Variants in PSD3 observed in about 807,000 individuals in gnomAD.
PSD3 encodes pleckstrin and Sec7 domain containing 3.
Under a neutral mutation model 105.5 loss-of-function variants are expected in PSD3, and 49 were observed. The observed-to-expected ratio is 0.46, with a 90% CI of 0.37 to 0.59. The LOEUF (loss-of-function observed/expected upper bound fraction) is 0.59, where lower values mean the gene tolerates loss of function less well. Ranked by LOEUF, PSD3 falls within the 20% of genes least tolerant of loss-of-function variation. The pLI is 0.00. For missense variants in PSD3, 1,561 were observed against 1,263.8 expected, an observed-to-expected ratio of 1.24 and a Z score of -3.57; for synonymous variants, 557 against 457.8, an observed-to-expected ratio of 1.22 and a Z score of -2.77.
chr8:18,649,085 C>T (rs1808275383), intron 10 of PSD3, among the ~76,000 whole-genome samples: 1 of 152,188 alleles, frequency 6.6e-6, no homozygotes, highest in Admixed American at 6.5e-5. Flanking sequence ...GGTGCCCCAA[C>T]AAAGAGTCCC....
chr8:18,539,301 G>T (rs942714232), intron 15 of PSD3, among the ~76,000 whole-genome samples: 1 of 152,156 alleles, frequency 6.6e-6, no homozygotes, highest in Admixed American at 6.5e-5. Context: ...GAGAGCAAGG[G>T]CAAGAAACAT....
intron 1 of PSD3, among the ~76,000 whole-genome samples, chr8:19,077,110 A>C (rs1829483935): frequency 6.6e-6 from 1 of 152,218 alleles, no homozygotes; most frequent in Non-Finnish European, 1.5e-5. Flanking sequence ...ATGTTAACAA[A>C]GTCTCCTGAG....
At chr8:19,005,084 A>G (rs1403870941) in intron 1 of PSD3, among the ~76,000 whole-genome samples, 1 of 152,060 alleles carries the variant, frequency 6.6e-6, no homozygotes, top group East Asian at 1.9e-4. Flanking sequence ...GTCATTAGAG[A>G]AACGAAAAGC....
intron 9 of PSD3, among the ~76,000 whole-genome samples, chr8:18,697,175 T>G (rs1212923008): frequency 6.6e-6 from 1 of 152,192 alleles, no homozygotes; most frequent in Non-Finnish European, 1.5e-5. Flanking sequence ...TGAAATCTGG[T>G]GTGTATTTTA....
In PSD3 at chr8:18,947,256, C is replaced by A. The variant is rs185393121; in HGVS notation, c.22-11114G>T. ...GTGAAGGTTAGAAACAGCATGGAAA[C>A]CAAAGGGCAAAGCAGGAAATGGACC... On this transcript the variant is annotated intron_variant, in intron 1 of 15. Transcript: ENST00000327040. 3.3e-5 allele frequency among the ~76,000 whole-genome samples: 5 copies of A among 152,294 alleles called. 1 individual carries two copies. Among genetic ancestry groups the A allele is most frequent in the Admixed American group, 1.3e-4 (2 of 15,302 alleles).
chr8:18,737,841 C>T (rs545880200), intron 9 of PSD3, among the ~76,000 whole-genome samples: 65 of 152,240 alleles, frequency 4.3e-4, no homozygotes, highest in African/African-American at 1.5e-3. Context: ...TTACTTCTAA[C>T]TTTGATTTTG....
intron 1 of PSD3, among the ~76,000 whole-genome samples, chr8:18,962,933 C>T (rs1824011431): frequency 6.6e-6 from 1 of 152,166 alleles, no homozygotes; most frequent in Non-Finnish European, 1.5e-5. Flanking sequence ...AGAGTTCTTT[C>T]AGCCTACACA....
intron 1 of PSD3, among the ~76,000 whole-genome samples, chr8:19,074,484 GTAC>G (rs1829381243): frequency 6.6e-6 from 1 of 150,518 alleles, no homozygotes; most frequent in African/African-American, 2.5e-5. Flanking sequence ...GCTGAAATAT[GTAC>G]TTCATTTCAT....
intron 4 of PSD3, among the ~76,000 whole-genome samples, chr8:18,855,471 C>T (rs575231598): frequency 6.6e-6 from 1 of 152,134 alleles, no homozygotes; most frequent in South Asian, 2.1e-4. Context: ...GAATACTATA[C>T]AGCAATTAAA....
intron 1 of PSD3, among the ~76,000 whole-genome samples, chr8:18,936,685 G>C (rs1438575983): frequency 1.3e-5 from 2 of 151,590 alleles, no homozygotes; most frequent in Non-Finnish European, 2.9e-5. Context: ...TTGAACCAGG[G>C]AGGCAGAGGC....
chr8:18,890,899 G>C (rs1344643279), intron 2 of PSD3, among the ~76,000 whole-genome samples: 1 of 152,102 alleles, frequency 6.6e-6, no homozygotes, highest in Non-Finnish European at 1.5e-5. Context: ...GTCTTCCAGG[G>C]ACCAAGCAAG....
intron 1 of PSD3, among the ~76,000 whole-genome samples, chr8:18,947,791 C>G (rs1288372140): frequency 1.3e-5 from 2 of 152,122 alleles, no homozygotes; most frequent in African/African-American, 4.8e-5. Flanking sequence ...TTCATAATAC[C>G]CGAGGGCTTC....
chr8:18,748,342 G>A (rs1333179264), intron 9 of PSD3, among the ~76,000 whole-genome samples: 1 of 152,134 alleles, frequency 6.6e-6, no homozygotes, highest in Non-Finnish European at 1.5e-5. Context: ...AAAAGGAAGG[G>A]AAGTGGTAGA....
At chr8:18,827,638 G>A (rs1015590388) in intron 4 of PSD3, among the ~76,000 whole-genome samples, 1 of 152,160 alleles carries the variant, frequency 6.6e-6, no homozygotes, top group Non-Finnish European at 1.5e-5. Context: ...TTAAGAGGGT[G>A]AGACTGAAGA....
intron 15 of PSD3, 50 bp downstream of exon 15, chr8:18,556,159 C>T (rs770561315): frequency 1.3e-6 from 2 of 1,599,368 alleles, no homozygotes; most frequent in South Asian, 1.1e-5. Context: ...ATGGACAGAT[C>T]ATAAGAAAAC....
chr8:18,799,578 G>T (rs893342515), intron 7 of PSD3, among the ~76,000 whole-genome samples: 1 of 152,166 alleles, frequency 6.6e-6, no homozygotes, highest in Non-Finnish European at 1.5e-5. Context: ...CCTCTCTGGA[G>T]GACAGTTTGG....
intron 1 of PSD3, among the ~76,000 whole-genome samples, chr8:19,051,626 C>T (rs1245799796): frequency 6.6e-6 from 1 of 152,164 alleles, no homozygotes; most frequent in Non-Finnish European, 1.5e-5. Flanking sequence ...AATCCCCAAT[C>T]AGAATAATTG....
intron 6 of PSD3, chr8:18,803,055 G>A (rs1167827447): frequency 6.4e-6 from 1 of 157,146 alleles, no homozygotes; most frequent in Admixed American, 6.4e-5. Context: ...AGAGGCTGAG[G>A]CGGGTGGACT....
At chr8:18,814,713 T>C (rs1413669224) in intron 4 of PSD3, among the ~76,000 whole-genome samples, 1 of 152,182 alleles carries the variant, frequency 6.6e-6, no homozygotes, top group Non-Finnish European at 1.5e-5. Flanking sequence ...GAAGCTTCTT[T>C]GGGCAAGGTA....
Sources: gnomAD v4.1 joint callset for allele counts (sites outside exome capture counted in the v4.1 genomes callset) on GRCh38, gnomAD v4.1.1 for gene constraint, MANE v1.5 for transcripts, NCBI Gene and HGNC (gene_info 2026-07-23, HGNC 2026-07-21) for gene names.